NLRP4: variants seen among roughly 807,000 people sequenced by gnomAD.
The protein encoded by NLRP4 is NACHT, LRR and PYD domains-containing protein 4.
In NLRP4, 44 loss-of-function variants were observed where a neutral mutation model predicts 84.7. The observed-to-expected ratio is 0.52, with a 90% CI of 0.41 to 0.67. The LOEUF (loss-of-function observed/expected upper bound fraction) is 0.67, where lower values mean the gene tolerates loss of function less well. Ranked by LOEUF, NLRP4 falls within the 30% of genes least tolerant of loss-of-function variation. The pLI is 0.00. For synonymous variants in NLRP4, 544 were observed against 476.4 expected, an observed-to-expected ratio of 1.14 and a Z score of -1.85; for missense variants, 1,260 against 1,219.4, an observed-to-expected ratio of 1.03 and a Z score of -0.50.
intron 7 of NLRP4, among the ~76,000 whole-genome samples, chr19:55,871,844 A>T (rs79229416): frequency 0.19 from 28,315 of 149,494 alleles, 2,973 homozygotes; most frequent in East Asian, 0.25. Context: ...AACAGAAATA[A>T]TCTTTTTTTT....
Position 55,852,235 on chromosome 19 carries a change from G to A in NLRP4, c.155G>A (p.Arg52Gln), listed in dbSNP as rs368832741. Residue 52 changes from arginine to glutamine, a missense_variant, in exon 2 of 10, where the codon CGG becomes CAG. Arg to Gln is a conservative substitution (Grantham distance 43). Transcript: ENST00000301295. ...TGGACTGAGGTCAAAAAAGCATCCC[G>A]GGAAGAACTTGCAAACCTCTTGATC... The part of the protein sequence containing the change: ...IPWTEVKKAS[R>Q]EELANLLIKH... 9.3e-6 allele frequency: 15 copies of A among 1,609,596 alleles called. No homozygotes were observed. In the East Asian group the frequency reaches 1.3e-4, roughly 14 times the overall value.
chr19:55,861,938 C>A, intron 4 of NLRP4, 54 bp from the exon 5 acceptor site: 5 of 1,170,106 alleles, frequency 4.3e-6, no homozygotes, highest in South Asian at 1.3e-5. Context: ...CACAGGTGTG[C>A]AGGCTGTGCT....
intron 1 of NLRP4, among the ~76,000 whole-genome samples, chr19:55,848,404 GCATAC>G (rs1983882836): frequency 6.6e-6 from 1 of 151,694 alleles, no homozygotes; most frequent in Non-Finnish European, 1.5e-5. Context: ...CGATACTATA[GCATAC>G]TATACTATAC....
In NLRP4 at chr19:55,881,703, T is replaced by A; in HGVS notation, c.*116T>A. ...TCATTGATACTCTGAGTTGTGAGAT[T>A]TCTGGCACCCCATTCATAGATTTGA... On this transcript the variant is annotated 3_prime_UTR_variant, in exon 10 of 10. Transcript: ENST00000301295. 1.7e-6 allele frequency: 1 copy of A among 599,272 alleles called. No homozygotes were observed. Among genetic ancestry groups the A allele is most frequent in the Non-Finnish European group, 3.0e-6 (1 of 333,888 alleles). 37.1% of individuals were successfully genotyped at this position (599,272 alleles called of 1,614,324 possible).
In NLRP4 at chr19:55,858,998, G is replaced by A. The variant is rs1265010664; in HGVS notation, c.1605G>A (p.Leu535=). The A allele has an allele frequency of 1.2e-6, 2 of 1,614,184 alleles. No homozygotes were observed. Among genetic ancestry groups the A allele is most frequent in the Non-Finnish European group, 1.7e-6 (2 of 1,180,038 alleles). ...TAAAGCAGCAAATTCACCAGTGCCT[G>A]AAGAGCTTAGGGGAGCGTGGCAATC... ...QEIKQQIHQC[L]KSLGERGNPQ... Residue 535 remains leucine (L), a synonymous_variant, in exon 3 of 10, where the codon CTG becomes CTA. Coordinates refer to ENST00000301295, the MANE Select transcript of NLRP4 (RefSeq NM_134444.5). The surrounding 1 kb of genome is among the most constrained non-coding windows in gnomAD (Gnocchi z 4.2).
chr19:55,859,549 G>A (rs1412984273), intron 3 of NLRP4, among the ~76,000 whole-genome samples: 1 of 152,106 alleles, frequency 6.6e-6, no homozygotes, highest in Non-Finnish European at 1.5e-5. Flanking sequence ...TAGCTGATCA[G>A]TACTATAATC....
chr19:55,857,844 G>C lies in NLRP4; in HGVS notation c.451G>C (p.Val151Leu). ...PKEAGKQPRT[V>L]IIQGPQGIGK... ...GGAAGCTGGGAAACAGCCACGTACA[G>C]TGATCATTCAAGGACCACAAGGAAT... Residue 151 changes from valine to leucine, a missense_variant, in exon 3 of 10, where the codon GTG (valine) becomes CTG (leucine). Physicochemically the swap from Val to Leu is conservative, Grantham distance 32. This residue lies in a region of NLRP4 where 712 missense variants were observed against 669.2 expected (regional missense o/e 1.06). Coordinates refer to ENST00000301295, the MANE Select transcript of NLRP4 (RefSeq NM_134444.5). 1 of 1,614,058 alleles carries C rather than the reference G, an allele frequency of 6.2e-7. No homozygotes were observed. Among genetic ancestry groups the C allele is most frequent in the Non-Finnish European group, 8.5e-7 (1 of 1,179,916 alleles).
intron 1 of NLRP4, 59 bp from the exon 2 acceptor site, chr19:55,851,957 A>T: frequency 1.3e-6 from 1 of 741,056 alleles, no homozygotes; most frequent in South Asian, 1.7e-5. Context: ...GATACTATAT[A>T]ATGGTAATCT....
At chr19:55,861,290 T>C (rs936086891) in intron 3 of NLRP4, 96 bp from the exon 4 acceptor site, 1 of 1,024,782 alleles carries the variant, frequency 9.8e-7, no homozygotes, top group East Asian at 2.5e-5. Flanking sequence ...GCCTCAGACA[T>C]CTTCTGTTTG....
At chr19:55,841,977 A>G (rs965769542) in intron 1 of NLRP4, among the ~76,000 whole-genome samples, 1 of 152,198 alleles carries the variant, frequency 6.6e-6, no homozygotes, top group Non-Finnish European at 1.5e-5. Context: ...GTTATATGGT[A>G]GGTTCTATTC....
Position 55,858,665 on chromosome 19 carries a change from T to C in NLRP4, c.1272T>C (p.Val424=). ...AAGACGACCTCCGGAGAAATGGGGT[T>C]GTTGACGCTGACATCCCTGCGCTGC... ...FCEDDLRRNG[V]VDADIPALLG... The change falls in exon 3 of 10, where the codon GTT becomes GTC. Residue 424 remains valine, a synonymous_variant. Transcript: ENST00000301295. This position sits in a 1 kb window ranked among gnomAD's most constrained non-coding sequence, Gnocchi z 4.2. The C allele has an allele frequency of 4.3e-6, 7 of 1,614,066 alleles. No homozygotes were observed. Among genetic ancestry groups the C allele is most frequent in the Non-Finnish European group, 5.9e-6 (7 of 1,179,998 alleles).
At chr19:55,853,476 T>C (rs1984250507) in intron 2 of NLRP4, among the ~76,000 whole-genome samples, 1 of 152,168 alleles carries the variant, frequency 6.6e-6, no homozygotes, top group African/African-American at 2.4e-5. Flanking sequence ...CACTGCAGCC[T>C]CAACTTCCTG....
chr19:55,853,406 T>C (rs968866821), intron 2 of NLRP4, among the ~76,000 whole-genome samples: 3 of 152,234 alleles, frequency 2.0e-5, no homozygotes, highest in Non-Finnish European at 4.4e-5. Context: ...CTTTCTTGTT[T>C]GTTTGACACA....
intron 1 of NLRP4, among the ~76,000 whole-genome samples, chr19:55,850,768 T>TGCGGTGTAATTC (rs1568659308): frequency 0.14 from 5,091 of 37,228 alleles, 1,960 homozygotes; most frequent in Non-Finnish European, 0.17. Flanking sequence ...CGGTGTAATT[T>TGCGGTGTAATTC]CCGAGGCTGC....
chr19:55,863,711 G>A (rs1984849717), intron 5 of NLRP4, among the ~76,000 whole-genome samples: 1 of 152,162 alleles, frequency 6.6e-6, no homozygotes, highest in Admixed American at 6.5e-5. Context: ...GAGGGGTACA[G>A]GAGAATGATG....
intron 7 of NLRP4, among the ~76,000 whole-genome samples, chr19:55,871,660 T>C (rs979575920): frequency 6.6e-6 from 1 of 152,282 alleles, no homozygotes; most frequent in African/African-American, 2.4e-5. Flanking sequence ...GAAATCAGTT[T>C]AGGATTTTGT....
chr19:55,856,700 G>C (rs999967278), intron 2 of NLRP4, among the ~76,000 whole-genome samples: 7 of 151,888 alleles, frequency 4.6e-5, no homozygotes, highest in Non-Finnish European at 1.0e-4. Context: ...ATTTTTAGTA[G>C]AGACAGGGTT....
intron 9 of NLRP4, among the ~76,000 whole-genome samples, chr19:55,880,271 T>C (rs1198348028): frequency 1.3e-5 from 2 of 152,234 alleles, no homozygotes; most frequent in Non-Finnish European, 2.9e-5. Flanking sequence ...ATTGTTTCTT[T>C]CTCATTTTAA....
intron 1 of NLRP4, among the ~76,000 whole-genome samples, chr19:55,850,800 G>A (rs567672983): frequency 7.8e-6 from 1 of 127,394 alleles, no homozygotes; most frequent in Non-Finnish European, 1.6e-5. Context: ...CGAGGCTGCG[G>A]TGTAATTTCC....
Sources: gnomAD v4.1 joint callset for allele counts (sites outside exome capture counted in the v4.1 genomes callset) on GRCh38, gnomAD v4.1.1 for gene constraint, gnomAD v4.1.1 regional missense constraint, Gnocchi (gnomAD v3.1) non-coding constraint, MANE v1.5 for transcripts, NCBI Gene and HGNC (gene_info 2026-07-23, HGNC 2026-07-21) for gene names.